AGTPBP1: variants seen among roughly 807,000 people sequenced by gnomAD.
AGTPBP1 encodes the protein ATP/GTP binding carboxypeptidase 1.
AGTPBP1 carries 70 observed loss-of-function variants against 143.9 expected under a neutral mutation model. The ratio of observed to expected loss-of-function variants is 0.49; its 90% confidence interval spans 0.40 to 0.59. AGTPBP1 has a LOEUF of 0.59. AGTPBP1 is among the 20% of genes least tolerant of loss of function. The probability of loss-of-function intolerance (pLI) is 0.00; values close to 1 mark genes in which losing one functional copy is unlikely to be tolerated. For missense variants in AGTPBP1, 1,229 were observed against 1,464.5 expected (o/e 0.84, Z 2.62); for synonymous variants, 463 against 500.2 (o/e 0.93, Z 0.99).
At chr9:85,717,464 T>G (rs1837781179) in intron 1 of AGTPBP1, among the ~76,000 whole-genome samples, 1 of 152,206 alleles carries the variant, frequency 6.6e-6, no homozygotes, top group Non-Finnish European at 1.5e-5. Flanking sequence ...TTCACACCAC[T>G]GCGCTTCAGC....
At chr9:85,715,499 A>G (rs1837647205) in intron 1 of AGTPBP1, among the ~76,000 whole-genome samples, 3 of 152,158 alleles carry the variant, frequency 2.0e-5, no homozygotes, top group African/African-American at 7.2e-5. Flanking sequence ...TACCTCCTCC[A>G]TATCTCCATG....
At chr9:85,745,445 G>A (rs1444590549), upstream of AGTPBP1, among the ~76,000 whole-genome samples, 1 of 152,098 alleles carries the variant, frequency 6.6e-6, no homozygotes, top group African/African-American at 2.4e-5. Flanking sequence ...ATCTTCTGAG[G>A]AATTAAGCAA....
intron 2 of AGTPBP1, among the ~76,000 whole-genome samples, chr9:85,693,147 G>A (rs368987294): frequency 2.3e-4 from 35 of 152,078 alleles, no homozygotes; most frequent in African/African-American, 7.7e-4. Flanking sequence ...TCAAAACTCT[G>A]ATAATCCTTC....
intron 2 of AGTPBP1, among the ~76,000 whole-genome samples, chr9:85,709,834 G>C (rs986470978): frequency 6.6e-6 from 1 of 152,112 alleles, no homozygotes; most frequent in Non-Finnish European, 1.5e-5. Context: ...GTGAAGTGCA[G>C]AGAAAATTTC....
intron 13 of AGTPBP1, among the ~76,000 whole-genome samples, chr9:85,641,526 C>T (rs1832465297): frequency 6.6e-6 from 1 of 151,644 alleles, no homozygotes; most frequent in Admixed American, 6.6e-5. Flanking sequence ...TTCAAAGTAC[C>T]TTCTCATGTA....
At chr9:85,625,416 A>G (rs1831208488) in intron 14 of AGTPBP1, among the ~76,000 whole-genome samples, 1 of 151,884 alleles carries the variant, frequency 6.6e-6, no homozygotes, top group Non-Finnish European at 1.5e-5. Flanking sequence ...CTTAACTTAC[A>G]TTTCTCTCAT....
intron 12 of AGTPBP1, among the ~76,000 whole-genome samples, chr9:85,645,427 A>C (rs1832754118): frequency 6.6e-6 from 1 of 152,200 alleles, no homozygotes. Flanking sequence ...ACCTGATGCC[A>C]GGACATAGAT....
chr9:85,685,227 A>T (rs927746456), intron 3 of AGTPBP1, among the ~76,000 whole-genome samples: 6 of 152,096 alleles, frequency 3.9e-5, no homozygotes, highest in African/African-American at 1.4e-4. Context: ...AAAATGTCCC[A>T]AATTTGACTA....
At chr9:85,678,937 C>T (rs1422706461) in intron 4 of AGTPBP1, among the ~76,000 whole-genome samples, 1 of 152,066 alleles carries the variant, frequency 6.6e-6, no homozygotes, top group Non-Finnish European at 1.5e-5. Context: ...TTTTTGAGGG[C>T]TACAGGATAT....
At chr9:85,727,466 G>A (rs559373741) in intron 1 of AGTPBP1, among the ~76,000 whole-genome samples, 3 of 152,200 alleles carry the variant, frequency 2.0e-5, no homozygotes, top group Non-Finnish European at 2.9e-5. Flanking sequence ...ATAAAAACCT[G>A]CTCATTCAAC....
Position 85,603,818 on chromosome 9 carries a change from C to T in AGTPBP1, c.2336-7369G>A, listed in dbSNP as rs74563758. Among the ~76,000 whole-genome samples the T allele has an allele frequency of 7.8e-3, 1,184 of 152,134 alleles. 9 individuals are homozygous for T. The highest frequency in any genetic ancestry group is 8.3e-3 in the Non-Finnish European group (566 of 68,016). ...ACAAGCTGACTGAAGAGACCTTGTG[C>T]TTTGAGGGAACATCGGCAGGAGCCA... On this transcript the variant is annotated intron_variant, in intron 17 of 25. Transcript: ENST00000357081.
the AGTPBP1 span, chr9:85,785,943 C>A: frequency 1.8e-6 from 1 of 545,266 alleles, no homozygotes; most frequent in South Asian, 2.6e-5. Flanking sequence ...TATTCATATT[C>A]ACACATCTGT....
At position 85,550,661 on chromosome 9, in the gene AGTPBP1, C is replaced by G. The variant is rs548837617; in HGVS notation, c.3504-3375G>C. On this transcript the variant is annotated intron_variant, in intron 25 of 25. Coordinates refer to ENST00000357081, the MANE Select transcript of AGTPBP1 (RefSeq NM_001330701.2). ...TGCATGGACTTGCCAGATATAGTCCCATGACCGTCTCACGTGCACCTCAAA... is the reference window on the plus strand; with the variant it reads ...TGCATGGACTTGCCAGATATAGTCCGATGACCGTCTCACGTGCACCTCAAA... 5.1e-4 allele frequency among the ~76,000 whole-genome samples: 77 copies of G among 152,270 alleles called. 2 individuals are homozygous for G. In the South Asian group the frequency reaches 0.014, roughly 27 times the overall value.
chr9:85,649,437 G>C lies in AGTPBP1; in HGVS notation c.1088-3019C>G, dbSNP rs898880416. ...ATTTTATTCATTTTTCTTGTAAATAGTACTTTACTGTTCCTTTGCGTAAGC... is the reference window on the plus strand; with the variant it reads ...ATTTTATTCATTTTTCTTGTAAATACTACTTTACTGTTCCTTTGCGTAAGC... On this transcript the variant is annotated intron_variant, in intron 11 of 25. Transcript: ENST00000357081. Among the ~76,000 whole-genome samples the C allele has an allele frequency of 5.3e-5, 8 of 152,178 alleles. No individual in the cohort carries two copies. The East Asian group carries it at 1.5e-3, about 29-fold the overall frequency.
chr9:85,774,789 C>A, the AGTPBP1 span, among the ~76,000 whole-genome samples: 1 of 152,162 alleles, frequency 6.6e-6, no homozygotes, highest in Non-Finnish European at 1.5e-5. Flanking sequence ...TTGGAAAAAT[C>A]TGTGAATTTG....
In AGTPBP1 at chr9:85,588,307, A is replaced by T; in HGVS notation, c.2894T>A (p.Ile965Asn). ...CTATTGCTTAACTTACTTTCCATTGATGACACCATCTGGATTTAACATAGG... is the reference window on the plus strand; with the variant it reads ...CTATTGCTTAACTTACTTTCCATTGTTGACACCATCTGGATTTAACATAGG... Reference protein sequence around the residue: ...IVPMLNPDGVINGNHRCSLSG... With the variant: ...IVPMLNPDGVNNGNHRCSLSG... Residue 965 changes from isoleucine (I) to asparagine (N), a missense_variant, in exon 21 of 26, where the codon ATC becomes AAC. Ile to Asn is a moderately radical substitution (Grantham distance 149). This residue lies in a region of AGTPBP1 where 486 missense variants were observed against 652.3 expected (regional missense o/e 0.75). Transcript: ENST00000357081. 1 of 1,604,618 alleles carries T rather than the reference A, an allele frequency of 6.2e-7. No individual in the cohort carries two copies. Among genetic ancestry groups the T allele is most frequent in the Non-Finnish European group, 8.5e-7 (1 of 1,175,670 alleles).
intron 1 of AGTPBP1, 93 bp downstream of exon 1, chr9:85,741,682 C>T: frequency 7.9e-7 from 1 of 1,258,430 alleles, no homozygotes. Flanking sequence ...GTCGCCCCTC[C>T]TACCCCCGGG....
At chr9:85,772,773 AAAC>A in the AGTPBP1 span, among the ~76,000 whole-genome samples, 2 of 152,106 alleles carry the variant, frequency 1.3e-5, no homozygotes. Context: ...AACAACAACA[AAAC>A]AACCAAACTG....
chr9:85,696,978 G>T (rs991849830), intron 2 of AGTPBP1, among the ~76,000 whole-genome samples: 1 of 152,028 alleles, frequency 6.6e-6, no homozygotes, highest in East Asian at 1.9e-4. Context: ...AATACTGTTT[G>T]TTCTACATTT....
Sources: allele counts gnomAD v4.1 joint callset (sites outside exome capture counted in the v4.1 genomes callset), GRCh38; gene constraint gnomAD v4.1.1; regional missense constraint gnomAD v4.1.1; transcripts MANE v1.5; gene names NCBI Gene and HGNC (gene_info 2026-07-23, HGNC 2026-07-21).